Variants in DOCK1 observed in about 807,000 individuals in gnomAD.
DOCK1 encodes the protein dedicator of cytokinesis protein 1.
DOCK1 carries 138 observed loss-of-function variants against 262.7 expected under a neutral mutation model. The ratio of observed to expected loss-of-function variants is 0.53; its 90% confidence interval spans 0.46 to 0.61. The LOEUF (loss-of-function observed/expected upper bound fraction) is 0.61, where lower values mean the gene tolerates loss of function less well. DOCK1 is among the 20% of genes least tolerant of loss of function. The pLI, the probability that DOCK1 is intolerant of heterozygous loss-of-function variation, is 0.00. For synonymous variants in DOCK1, 866 were observed against 867.4 expected (o/e 1.00, Z 0.03); for missense variants, 1,908 against 2,370.7 (o/e 0.80, Z 4.05).
intron 1 of DOCK1, among the ~76,000 whole-genome samples, chr10:126,939,053 A>AC (rs2034785197): frequency 1.3e-5 from 1 of 79,690 alleles, no homozygotes. Context: ...GGGGGGATGA[A>AC]CACCGGGGGG....
intron 1 of DOCK1, among the ~76,000 whole-genome samples, chr10:126,968,053 T>TCTCACCAAAACCTCCA (rs1192450226): frequency 6.6e-6 from 1 of 152,046 alleles, no homozygotes; most frequent in African/African-American, 2.4e-5. Context: ...TGGCCTCAAG[T>TCTCACCAAAACCTCCA]GATCTGCCTG....
chr10:126,973,300 C>T (rs1263656451), intron 2 of DOCK1, among the ~76,000 whole-genome samples: 1 of 151,506 alleles, frequency 6.6e-6, no homozygotes, highest in Non-Finnish European at 1.5e-5. Flanking sequence ...GCAATTTCAG[C>T]TCACTGCAAC....
In DOCK1 at chr10:127,244,364, T is replaced by C. The variant is rs187287642; in HGVS notation, c.2848-3644T>C. Among the ~76,000 whole-genome samples, 269 of 152,334 alleles carry C rather than the reference T, an allele frequency of 1.8e-3. 3 individuals carry two copies. Among genetic ancestry groups the C allele is most frequent in the Middle Eastern group, 0.01 (3 of 294 alleles). On this transcript the variant is annotated intron_variant, in intron 27 of 51. Transcript: ENST00000623213. ...CAGCAATGCTATGGACATCTTTGGG[T>C]ATGAAATTTTCTATTTTGAATTACT...
At position 127,074,885 on chromosome 10, in the gene DOCK1, G is replaced by A. The variant is rs561271997; in HGVS notation, c.2445+13109G>A. Among the ~76,000 whole-genome samples the A allele has an allele frequency of 6.2e-4, 95 of 152,194 alleles. 1 individual carries two copies. Among genetic ancestry groups the A allele is most frequent in the African/African-American group, 2.2e-3 (92 of 41,502 alleles). ...GATTAAAAGGAGAGGTGTTTGGCCGGGTGCGGTGGCTCACACCTGTAGTCC... is the reference window on the plus strand; with the variant it reads ...GATTAAAAGGAGAGGTGTTTGGCCGAGTGCGGTGGCTCACACCTGTAGTCC... On this transcript the variant is annotated intron_variant, in intron 23 of 51. Transcript: ENST00000623213.
intron 32 of DOCK1, among the ~76,000 whole-genome samples, chr10:127,360,662 G>T (rs60277328): frequency 2.0e-5 from 3 of 152,278 alleles, no homozygotes; most frequent in Admixed American, 1.3e-4. Context: ...TTGCAATTAG[G>T]GGGGACAAAT....
At chr10:126,910,879 A>G (rs2134011216) in intron 1 of DOCK1, among the ~76,000 whole-genome samples, 1 of 152,148 alleles carries the variant, frequency 6.6e-6, no homozygotes, top group South Asian at 2.1e-4. Context: ...CTCTCTCTGG[A>G]TATTCATCCG....
intron 23 of DOCK1, among the ~76,000 whole-genome samples, chr10:127,077,340 A>T (rs138486374): frequency 7.7e-4 from 118 of 152,302 alleles, no homozygotes; most frequent in African/African-American, 2.7e-3. Flanking sequence ...GGTTGCAGTC[A>T]GCCGAGATTG....
In DOCK1 at chr10:127,337,391, G is replaced by A. The variant is rs111341689; in HGVS notation, c.3045-1615G>A. 4.5e-3 allele frequency among the ~76,000 whole-genome samples: 680 copies of A among 152,288 alleles called. 5 individuals carry two copies. The highest frequency in any genetic ancestry group is 7.3e-3 in the Non-Finnish European group (499 of 68,026). ...GCTGATTAGAGTTGCCAGGCATCCC[G>A]TATATGCAAAGCATGTCCTGAATTT... is the stretch of plus-strand genomic sequence containing the variant. On this transcript the variant is annotated intron_variant, in intron 29 of 51. Transcript: ENST00000623213.
At chr10:127,071,955 C>T (rs903631800) in intron 23 of DOCK1, among the ~76,000 whole-genome samples, 3 of 152,216 alleles carry the variant, frequency 2.0e-5, no homozygotes, top group Non-Finnish European at 2.9e-5. Flanking sequence ...TAATGATGCT[C>T]ACTGGTGGAA....
intron 23 of DOCK1, among the ~76,000 whole-genome samples, chr10:127,098,512 C>T (rs975329105): frequency 1.3e-5 from 2 of 152,300 alleles, no homozygotes; most frequent in African/African-American, 2.4e-5. Flanking sequence ...ATGCACAACA[C>T]GTCATTCCAT....
chr10:127,407,187 G>A (rs2067566312), intron 40 of DOCK1, among the ~76,000 whole-genome samples: 1 of 152,148 alleles, frequency 6.6e-6, no homozygotes, highest in Admixed American at 6.5e-5. Flanking sequence ...GAAGGGGACT[G>A]TCTTAGTCCA....
chr10:127,421,200 C>T (rs2068486467), intron 46 of DOCK1, among the ~76,000 whole-genome samples: 1 of 152,100 alleles, frequency 6.6e-6, no homozygotes, highest in African/African-American at 2.4e-5. Flanking sequence ...CAGGCATGAG[C>T]CACTGCACCA....
intron 30 of DOCK1, among the ~76,000 whole-genome samples, chr10:127,340,585 C>T (rs781631318): frequency 1.3e-5 from 2 of 152,242 alleles, no homozygotes; most frequent in East Asian, 1.9e-4. Flanking sequence ...TCTTAGTACA[C>T]GCATTGCTAT....
chr10:127,295,597 G>A (rs1426693796), intron 29 of DOCK1, among the ~76,000 whole-genome samples: 1 of 152,024 alleles, frequency 6.6e-6, no homozygotes, highest in Non-Finnish European at 1.5e-5. Context: ...GAGGCGAGAA[G>A]ATTGTTTGAG....
In DOCK1 at chr10:127,339,733, G is replaced by GTGTGTGTGTGTGTGTGTGTGTGCA. The variant is rs71032552; in HGVS notation, c.3123+651_3123+652insTGTGTGTGTGTGTGTGTGTGCATG. On this transcript the variant is annotated intron_variant, in intron 30 of 51. Transcript: ENST00000623213. ...TGTGTGTGTGTGTGTGTGTGTGTGT[G>GTGTGTGTGTGTGTGTGTGTGTGCA]TGCATGCTGTAAGGATTGATTTTGC... Among the ~76,000 whole-genome samples the GTGTGTGTGTGTGTGTGTGTGTGCA allele has an allele frequency of 1.4e-3, 150 of 109,288 alleles. 4 individuals are homozygous for GTGTGTGTGTGTGTGTGTGTGTGCA. The highest frequency in any genetic ancestry group is 2.7e-3 in the African/African-American group (82 of 29,924). 71.7% of individuals were successfully genotyped at this position (109,288 alleles called of 152,430 possible).
intron 1 of DOCK1, among the ~76,000 whole-genome samples, chr10:126,956,598 G>A (rs1038240349): frequency 5.9e-5 from 9 of 152,274 alleles, no homozygotes; most frequent in Middle Eastern, 3.4e-3. Context: ...CACTGGGGCC[G>A]TCTTAAAATC....
rs1179413774 is a variant in DOCK1 at position 126,995,523 on chromosome 10, C to A, written c.474-1225C>A. On this transcript the variant is annotated intron_variant, in intron 6 of 51. Coordinates refer to ENST00000623213, the MANE Select transcript of DOCK1 (RefSeq NM_001290223.2). This position sits in a 1 kb window ranked among gnomAD's most constrained non-coding sequence, Gnocchi z 5.8. ...GGTGTGGCGGCGCGCGCCTGCAATC[C>A]CAGGCACTCCGCAGGCTGAGGCAGG... is the stretch of plus-strand genomic sequence containing the variant. 4.6e-5 allele frequency among the ~76,000 whole-genome samples: 7 copies of A among 152,178 alleles called. No individual in the cohort carries two copies. Among genetic ancestry groups the A allele is most frequent in the Non-Finnish European group, 7.3e-5 (5 of 68,034 alleles).
At chr10:127,196,344 C>T (rs1288178062) in intron 27 of DOCK1, among the ~76,000 whole-genome samples, 1 of 148,708 alleles carries the variant, frequency 6.7e-6, no homozygotes, top group East Asian at 2.0e-4. Context: ...CGCGACGCGG[C>T]GGAGCCAGCC....
intron 6 of DOCK1, among the ~76,000 whole-genome samples, chr10:126,996,239 G>A (rs1325039028): frequency 6.6e-6 from 1 of 151,832 alleles, no homozygotes; most frequent in African/African-American, 2.4e-5. Context: ...AATTAGCCGG[G>A]TGTGGTGGCA....
Sources: allele counts gnomAD v4.1 joint callset (sites outside exome capture counted in the v4.1 genomes callset), GRCh38; gene constraint gnomAD v4.1.1; non-coding constraint Gnocchi (gnomAD v3.1); transcripts MANE v1.5; gene names NCBI Gene and HGNC (gene_info 2026-07-23, HGNC 2026-07-21).